ZNF483: variants seen among roughly 807,000 people sequenced by gnomAD.
ZNF483 encodes the protein zinc finger protein HIT-10.
A neutral mutation model predicts 28.6 loss-of-function variants in ZNF483; 9 were observed. That is an observed-to-expected ratio of 0.32 (90% CI 0.19 to 0.55). ZNF483 has a LOEUF of 0.55. Among genes scored for constraint, ZNF483 ranks in the 20% least tolerant of loss-of-function variants. The pLI, the probability that ZNF483 is intolerant of heterozygous loss-of-function variation, is 0.93. For missense variants in ZNF483, 675 were observed against 871.7 expected (o/e 0.77, Z 2.84); for synonymous variants, 322 against 306.2 (o/e 1.05, Z -0.54).
intron 5 of ZNF483, chr9:111,570,133 G>A (rs766709637): frequency 5.0e-6 from 8 of 1,614,104 alleles, no homozygotes; most frequent in South Asian, 1.1e-5. Flanking sequence ...CTTTTTGGCG[G>A]GCATCTCCTT....
chr9:111,542,312 A>G lies in ZNF483; in HGVS notation c.1377A>G (p.Arg459=), dbSNP rs760893441. 65 of 1,614,094 alleles carry G rather than the reference A, an allele frequency of 4.0e-5. No homozygotes were observed. Among genetic ancestry groups the G allele is most frequent in the Non-Finnish European group, 5.2e-5 (61 of 1,180,052 alleles). The stretch of plus-strand genomic sequence containing the variant: ...GCGCCTCACTCACCAAACATCGGAG[A>G]ATTCACACTGGAGAAAAACCCTATA... ...GYSASLTKHR[R]IHTGEKPYMC... is the part of the protein sequence containing the mutation. Residue 459 remains arginine, a synonymous_variant, in exon 6 of 6, where the codon AGA becomes AGG. Transcript: ENST00000309235. The surrounding 1 kb of genome is among the most constrained non-coding windows in gnomAD (Gnocchi z 6.2).
At chr9:111,534,495 T>C in intron 5 of ZNF483, 142 bp downstream of exon 5, 6 of 683,492 alleles carry the variant, frequency 8.8e-6, no homozygotes, top group Non-Finnish European at 1.5e-5. Flanking sequence ...GAAATGTTCA[T>C]TTTAGTGGGG....
In ZNF483 at chr9:111,527,631, A is replaced by G; in HGVS notation, c.236A>G (p.Gln79Arg). The G allele has an allele frequency of 6.2e-7, 1 of 1,614,226 alleles. No individual in the cohort carries two copies. The highest frequency in any genetic ancestry group is 8.5e-7 in the Non-Finnish European group (1 of 1,180,044). Residue 79 changes from glutamine to arginine, a missense_variant, in exon 2 of 6, where the codon CAG becomes CGG. Gln to Arg is a conservative substitution (Grantham distance 43). Transcript: ENST00000309235. The stretch of plus-strand genomic sequence containing the variant: ...AGTCAACTCTGGGAGCTCTGCAATC[A>G]GTGGCTGAGACCAGACATTCACACG... ...ALSQLWELCN[Q>R]WLRPDIHTKE...
At chr9:111,571,464 T>G (rs967947701) in intron 5 of ZNF483, among the ~76,000 whole-genome samples, 1 of 149,290 alleles carries the variant, frequency 6.7e-6, no homozygotes, top group Non-Finnish European at 1.5e-5. Flanking sequence ...TGTTTTTGTG[T>G]CTGTGTGTTT....
intron 5 of ZNF483, among the ~76,000 whole-genome samples, chr9:111,566,508 T>G (rs562341571): frequency 1.3e-5 from 2 of 152,242 alleles, no homozygotes; most frequent in African/African-American, 4.8e-5. Context: ...GATGTCATTT[T>G]TCCCCTGTAA....
rs1358332171 is a variant in ZNF483 at position 111,527,499 on chromosome 9, GGGAACAAGAAGCTATTTTAAGA to G, written c.109_130del (p.Gln37MetfsTer20). On this transcript the variant is annotated frameshift_variant, in exon 2 of 6. Transcript: ENST00000309235. LOFTEE classifies it high-confidence loss of function. ...GAGGTCCCAAGAGTGGTTACTTCTG[GGGAACAAGAAGCTATTTTAAGA>G]GGAAATGCTGCTGATGCAGAGTCTT... 6.2e-7 allele frequency: 1 copy of G among 1,614,164 alleles called. No homozygotes were observed. Among genetic ancestry groups the G allele is most frequent in the South Asian group, 1.1e-5 (1 of 91,086 alleles).
chr9:111,571,434 CAA>C (rs1274754368), intron 5 of ZNF483, among the ~76,000 whole-genome samples: 1 of 149,262 alleles, frequency 6.7e-6, no homozygotes, highest in East Asian at 2.2e-4. Flanking sequence ...AGTAAACAAA[CAA>C]AAGAATAAAC....
rs1430182045 is a variant in ZNF483, at chr9:111,550,074, T to G, written c.*6904T>G. ...TGTTGTTGTTTTTTGTGTTGTGTGT[T>G]TTTTGTTTTCGTTTTTGTTTTACTG... On this transcript the variant is annotated 3_prime_UTR_variant, in exon 6 of 6. Transcript: ENST00000309235. 6.6e-6 allele frequency among the ~76,000 whole-genome samples: 1 copy of G among 151,612 alleles called. No individual in the cohort carries two copies. The highest frequency in any genetic ancestry group is 1.9e-4 in the East Asian group (1 of 5,200).
Position 111,551,400 on chromosome 9 carries a change from G to GTTTTTTTTTTTTTTTTTTTTTTTTTTTTT in ZNF483, c.*8255_*8256insTTTTTTTTTTTTTTTTTTTTTTTTTTTTT, listed in dbSNP as rs58638722. Among the ~76,000 whole-genome samples, 1 of 74,430 alleles carries GTTTTTTTTTTTTTTTTTTTTTTTTTTTTT rather than the reference G, an allele frequency of 1.3e-5. No individual in the cohort carries two copies. The highest frequency in any genetic ancestry group is 6.0e-4 in the South Asian group (1 of 1,672). 48.8% of individuals were successfully genotyped at this position (74,430 alleles called of 152,430 possible). A position where few individuals can be genotyped will look rare whatever the true frequency, so the allele number is the denominator to read the frequency against. On this transcript the variant is annotated 3_prime_UTR_variant, in exon 6 of 6. Coordinates refer to ENST00000309235, the MANE Select transcript of ZNF483 (RefSeq NM_133464.5). ...TAACTGAATCAAGTATCCAGTTTTTGTTTTTTTTTTTTTTTTTTTTTTTTT... is the reference window on the plus strand; with the variant it reads ...TAACTGAATCAAGTATCCAGTTTTTGTTTTTTTTTTTTTTTTTTTTTTTTTTTTTTTTTTTTTTTTTTTTTTTTTTTTTT...
downstream of ZNF483, among the ~76,000 whole-genome samples, chr9:111,558,245 A>G: frequency 6.6e-6 from 1 of 152,370 alleles, no homozygotes; most frequent in East Asian, 1.9e-4. Context: ...TTTTAATTCA[A>G]TAGTATATAA....
At position 111,543,719 on chromosome 9, in the gene ZNF483, C is replaced by G. The variant is rs1827730976; in HGVS notation, c.*549C>G. On this transcript the variant is annotated 3_prime_UTR_variant, in exon 6 of 6. Coordinates refer to ENST00000309235, the MANE Select transcript of ZNF483 (RefSeq NM_133464.5). ...TATTTGTCATTACTTTCAAGTTTCT[C>G]TAGTAAAAAATACAATACCACTATT... 1 of 962,684 alleles carries G rather than the reference C, an allele frequency of 1.0e-6. No individual in the cohort carries two copies. The highest frequency in any genetic ancestry group is 1.2e-6 in the Non-Finnish European group (1 of 813,248). 59.6% of individuals were successfully genotyped at this position (962,684 alleles called of 1,614,324 possible).
intron 5 of ZNF483, chr9:111,574,905 TAA>T: frequency 7.7e-7 from 1 of 1,306,996 alleles, no homozygotes; most frequent in East Asian, 2.4e-5. Context: ...GGAGAATCAT[TAA>T]GTCACAAGCA....
At position 111,542,023 on chromosome 9, in the gene ZNF483, A is replaced by G. The variant is rs1827686653; in HGVS notation, c.1088A>G (p.Asp363Gly). 1 of 1,614,058 alleles carries G rather than the reference A, an allele frequency of 6.2e-7. No individual in the cohort carries two copies. Among genetic ancestry groups the G allele is most frequent in the African/African-American group, 1.3e-5 (1 of 75,054 alleles). Reference protein sequence around the residue: ...TAGEKSRKSNDGGKVLSHSSA... With the variant: ...TAGEKSRKSNGGGKVLSHSSA... ...GGAGAAAAGTCACGGAAATCTAATG[A>G]TGGTGGGAAAGTCCTGAGTCACTCT... Residue 363 changes from aspartate to glycine, a missense_variant, in exon 6 of 6, where the codon GAT becomes GGT. Physicochemically the swap from Asp to Gly is moderately conservative, Grantham distance 94 (BLOSUM62 -1). This residue lies in a region of ZNF483 where 525 missense variants were observed against 581.8 expected (regional missense o/e 0.90). Coordinates refer to ENST00000309235, the MANE Select transcript of ZNF483 (RefSeq NM_133464.5). This position sits in a 1 kb window ranked among gnomAD's most constrained non-coding sequence, Gnocchi z 6.2.
At chr9:111,531,944 C>T (rs1021636139) in intron 3 of ZNF483, among the ~76,000 whole-genome samples, 41 of 152,186 alleles carry the variant, frequency 2.7e-4, no homozygotes, top group Admixed American at 2.3e-3. Context: ...TGGCCTCCCA[C>T]AGCATTGTGA....
At chr9:111,571,936 C>T (rs150126178) in intron 5 of ZNF483, among the ~76,000 whole-genome samples, 1 of 152,258 alleles carries the variant, frequency 6.6e-6, no homozygotes, top group African/African-American at 2.4e-5. Flanking sequence ...TACCCTTCTG[C>T]GTGTAAGGAA....
At chr9:111,563,187 G>GT in intron 5 of ZNF483, 1 of 1,613,894 alleles carries the variant, frequency 6.2e-7, no homozygotes, top group Non-Finnish European at 8.5e-7. Flanking sequence ...CAGCTGGCAT[G>GT]TTTTCAAATC....
Position 111,543,830 on chromosome 9 carries a change from G to A in ZNF483, c.*660G>A. On this transcript the variant is annotated 3_prime_UTR_variant, in exon 6 of 6. Transcript: ENST00000309235. ...GGATGGAGTCTCACTATGTTGCCCA[G>A]ACTGGTCTTGAACTCCTGGGCTCAA... 10 of 930,490 alleles carry A rather than the reference G, an allele frequency of 1.1e-5. No individual in the cohort carries two copies. The highest frequency in any genetic ancestry group is 1.3e-5 in the Non-Finnish European group (10 of 785,084). The allele number at this position is 930,490 out of a possible 1,614,324, so 57.6% of individuals were successfully genotyped here. A position where few individuals can be genotyped will look rare whatever the true frequency, so the allele number is the denominator to read the frequency against.
Position 111,561,008 on chromosome 9 carries a change from GA to G in ZNF483, c.722-15356del, listed in dbSNP as rs1343437524. 5.2e-4 allele frequency among the ~76,000 whole-genome samples: 51 copies of G among 98,336 alleles called. 6 individuals carry two copies. Among genetic ancestry groups the G allele is most frequent in the South Asian group, 7.5e-4 (2 of 2,676 alleles). 64.5% of individuals were successfully genotyped at this position (98,336 alleles called of 152,430 possible). A position where few individuals can be genotyped will look rare whatever the true frequency, so the allele number is the denominator to read the frequency against. On this transcript the variant is annotated intron_variant, in intron 5 of 5. Transcript: ENST00000358151. ...AGAGAGAGAGAGAGAGAGAGAGAGA[GA>G]GAGAGAGAGGTGGCAGTGAGTGGAG...
intron 5 of ZNF483, among the ~76,000 whole-genome samples, chr9:111,562,222 T>C (rs181887045): frequency 1.4e-4 from 21 of 152,014 alleles, no homozygotes; most frequent in Admixed American, 5.2e-4. Context: ...AAGATGTTAT[T>C]ATCCTCACTT....
Sources: gnomAD v4.1 joint callset for allele counts (sites outside exome capture counted in the v4.1 genomes callset) on GRCh38, gnomAD v4.1.1 for gene constraint, gnomAD v4.1.1 regional missense constraint, Gnocchi (gnomAD v3.1) non-coding constraint, MANE v1.5 for transcripts, NCBI Gene and HGNC (gene_info 2026-07-23, HGNC 2026-07-21) for gene names.